KIF6: variants seen among roughly 807,000 people sequenced by gnomAD.
KIF6 encodes the protein kinesin family member 6.
KIF6 carries 106 observed loss-of-function variants against 112.7 expected under a neutral mutation model. The ratio of observed to expected loss-of-function variants is 0.94; its 90% CI spans 0.80 to 1.11. The LOEUF is 1.11. KIF6 is among the 50% of genes least tolerant of loss of function. KIF6 has a pLI of 0.00. For synonymous variants in KIF6, 339 were observed against 339.9 expected (o/e 1.00, Z 0.03); for missense variants, 929 against 964.0 (o/e 0.96, Z 0.48).
chr6:39,719,621 A>G (rs1459710958), intron 2 of KIF6, among the ~76,000 whole-genome samples: 1 of 152,200 alleles, frequency 6.6e-6, no homozygotes, highest in Non-Finnish European at 1.5e-5. Flanking sequence ...AGAGAATGTG[A>G]AATAGCTATA....
At chr6:39,360,253 C>A in intron 18 of KIF6, 142 bp downstream of exon 18, 1 of 868,908 alleles carries the variant, frequency 1.2e-6, no homozygotes, top group Non-Finnish European at 1.7e-6. Flanking sequence ...ATCCTTGTTA[C>A]TACAGTGAGC....
chr6:39,448,214 G>A (rs113370674), intron 13 of KIF6, among the ~76,000 whole-genome samples: 5,282 of 151,898 alleles, frequency 0.035, 133 homozygotes, highest in African/African-American at 0.049. Context: ...TGCTCTTGTC[G>A]CCCAAGCTGG....
chr6:39,614,299 C>A (rs1783385957), intron 5 of KIF6, among the ~76,000 whole-genome samples: 1 of 152,168 alleles, frequency 6.6e-6, no homozygotes, highest in South Asian at 2.1e-4. Context: ...CAAAGAGTAT[C>A]TCAGGTATCT....
intron 5 of KIF6, 57 bp downstream of exon 5, chr6:39,634,792 A>T (rs1342064127): frequency 1.0e-6 from 1 of 999,026 alleles, no homozygotes; most frequent in Non-Finnish European, 1.6e-6. Context: ...AAAGAAAACA[A>T]TTGAAGAGAA....
At chr6:39,530,754 A>C (rs905815323) in intron 13 of KIF6, among the ~76,000 whole-genome samples, 1 of 152,214 alleles carries the variant, frequency 6.6e-6, no homozygotes, top group Non-Finnish European at 1.5e-5. Context: ...GGTCAGATTT[A>C]CTTACTTTCT....
intron 13 of KIF6, among the ~76,000 whole-genome samples, chr6:39,464,795 T>C (rs1773691063): frequency 6.6e-6 from 1 of 152,162 alleles, no homozygotes; most frequent in African/African-American, 2.4e-5. Flanking sequence ...TGACTTACTA[T>C]AGTGATATAC....
At chr6:39,499,816 A>C in intron 13 of KIF6, among the ~76,000 whole-genome samples, 1 of 152,228 alleles carries the variant, frequency 6.6e-6, no homozygotes, top group East Asian at 1.9e-4. Context: ...AGCTGAAGAT[A>C]GCAAAATTGG....
chr6:39,599,460 T>G (rs2150692546), intron 6 of KIF6, among the ~76,000 whole-genome samples: 1 of 152,302 alleles, frequency 6.6e-6, no homozygotes, highest in South Asian at 2.1e-4. Context: ...GCTGGCATAG[T>G]TTTGGTGATG....
intron 6 of KIF6, among the ~76,000 whole-genome samples, chr6:39,611,275 CT>C (rs1783201587): frequency 6.6e-6 from 1 of 151,968 alleles, no homozygotes; most frequent in South Asian, 2.1e-4. Flanking sequence ...CACCATGGCA[CT>C]CCAGCTTAGG....
At chr6:39,444,418 A>G (rs1687048401) in intron 13 of KIF6, among the ~76,000 whole-genome samples, 1 of 152,194 alleles carries the variant, frequency 6.6e-6, no homozygotes, top group Non-Finnish European at 1.5e-5. Context: ...CCATCAACTT[A>G]TATAGTTAGT....
intron 4 of KIF6, among the ~76,000 whole-genome samples, 168 bp from the exon 5 acceptor site, chr6:39,635,126 T>C (rs1784559314): frequency 6.6e-6 from 1 of 152,116 alleles, no homozygotes; most frequent in Admixed American, 6.6e-5. Context: ...AGTTACCATA[T>C]GCATGAAGCT....
intron 15 of KIF6, among the ~76,000 whole-genome samples, chr6:39,409,460 AT>A (rs933133343): frequency 6.6e-6 from 1 of 152,130 alleles, no homozygotes; most frequent in African/African-American, 2.4e-5. Flanking sequence ...TGCTTTTTCA[AT>A]GTTGCCCAGT....
At chr6:39,363,772 G>C (rs1202716675) in intron 16 of KIF6, among the ~76,000 whole-genome samples, 1 of 152,178 alleles carries the variant, frequency 6.6e-6, no homozygotes, top group African/African-American at 2.4e-5. Flanking sequence ...AGGATATTGA[G>C]GTTCAAAGAG....
chr6:39,565,716 A>G (rs987141879), intron 10 of KIF6, among the ~76,000 whole-genome samples: 3 of 152,248 alleles, frequency 2.0e-5, no homozygotes, highest in Non-Finnish European at 4.4e-5. Context: ...AACAATAACA[A>G]CAAATCTCAA....
intron 9 of KIF6, 72 bp downstream of exon 9, chr6:39,584,826 G>C (rs1561836796): frequency 1.1e-6 from 1 of 883,240 alleles, no homozygotes. Context: ...CAGAGCAAGT[G>C]CACCTACAAG....
chr6:39,679,619 T>TG (rs1367877147), intron 3 of KIF6, among the ~76,000 whole-genome samples: 1 of 146,130 alleles, frequency 6.8e-6, no homozygotes, highest in African/African-American at 2.5e-5. Flanking sequence ...CTTTTCTTTT[T>TG]TTTTTTTTTT....
intron 10 of KIF6, among the ~76,000 whole-genome samples, chr6:39,558,154 T>C (rs1779822408): frequency 1.3e-5 from 2 of 152,260 alleles, no homozygotes; most frequent in East Asian, 1.9e-4. Flanking sequence ...AGATATACCA[T>C]ACTTGCTGTT....
Position 39,353,777 on chromosome 6 carries a change from C to A in KIF6, c.2180+3500G>T, listed in dbSNP as rs183761991. 1,262 of 280,836 alleles carry A rather than the reference C, an allele frequency of 4.5e-3. 33 individuals are homozygous for A. Among genetic ancestry groups the A allele is most frequent in the Non-Finnish European group, 2.2e-3 (314 of 142,098 alleles). The allele number at this position is 280,836 out of a possible 1,614,324, so 17.4% of individuals were successfully genotyped here. A position where few individuals can be genotyped will look rare whatever the true frequency, so the allele number is the denominator to read the frequency against. ...GGTGCTGTAGCCCTGGGCAGATGGA[C>A]CCAGTGGCTCCTTCCCTAGTGCGGT... On this transcript the variant is annotated intron_variant, in intron 19 of 22. Coordinates refer to ENST00000287152, the MANE Select transcript of KIF6 (RefSeq NM_145027.6).
rs576920518 is a variant in KIF6, at chr6:39,702,053, G to A, written c.251+12639C>T. On this transcript the variant is annotated intron_variant, in intron 3 of 22. Transcript: ENST00000287152. ...GGAAGGTAATTGTAAGAATATGAGG[G>A]CATGTGGAAATGGGAATTTCCTCCA... is the stretch of plus-strand genomic sequence containing the variant. 2.6e-5 allele frequency among the ~76,000 whole-genome samples: 4 copies of A among 152,302 alleles called. No individual in the cohort carries two copies. The East Asian group carries it at 5.8e-4, about 22-fold the overall frequency.
Sources: gnomAD v4.1 joint callset for allele counts (sites outside exome capture counted in the v4.1 genomes callset) on GRCh38, gnomAD v4.1.1 for gene constraint, MANE v1.5 for transcripts, NCBI Gene and HGNC (gene_info 2026-07-23, HGNC 2026-07-21) for gene names.